TNIK: variants seen among roughly 807,000 people sequenced by gnomAD.
The protein encoded by TNIK is TRAF2 and NCK-interacting protein kinase.
Under a neutral mutation model 191.3 loss-of-function variants are expected in TNIK, and 49 were observed. The ratio of observed to expected loss-of-function variants is 0.26; its 90% CI spans 0.20 to 0.32. TNIK has a LOEUF of 0.32. Ranked by LOEUF, TNIK falls within the 10% of genes least tolerant of loss-of-function variation. TNIK has a pLI of 1.00. For missense variants in TNIK, 1,155 were observed against 1,702.3 expected (o/e 0.68, Z 5.66); for synonymous variants, 594 against 600.9 (o/e 0.99, Z 0.17).
rs1270486774 is a variant in TNIK, at chr3:171,059,295, A to T, written c.*4586T>A. ...TCCAAGATTTTGATCTAGATTTAAAATAACTCAAACATTACCCAGGGATTT... is the reference window on the plus strand; with the variant it reads ...TCCAAGATTTTGATCTAGATTTAAATTAACTCAAACATTACCCAGGGATTT... On this transcript the variant is annotated 3_prime_UTR_variant, in exon 33 of 33. Transcript: ENST00000436636. Among the ~76,000 whole-genome samples the T allele has an allele frequency of 2.0e-5, 3 of 152,204 alleles. No individual in the cohort carries two copies. Among genetic ancestry groups the T allele is most frequent in the Non-Finnish European group, 4.4e-5 (3 of 68,028 alleles).
chr3:171,269,087 C>T (rs931032875), intron 2 of TNIK, among the ~76,000 whole-genome samples: 1 of 152,056 alleles, frequency 6.6e-6, no homozygotes, highest in Non-Finnish European at 1.5e-5. Flanking sequence ...TTATTCAAAG[C>T]TCATTTGAAA....
chr3:171,444,532 G>A (rs1267340855), intron 1 of TNIK, among the ~76,000 whole-genome samples: 2 of 148,420 alleles, frequency 1.3e-5, no homozygotes, highest in African/African-American at 4.9e-5. Context: ...GCATCTTGTT[G>A]ATCAAGGGAG....
intron 2 of TNIK, among the ~76,000 whole-genome samples, chr3:171,277,386 A>G (rs1475056991): frequency 6.6e-6 from 1 of 152,208 alleles, no homozygotes; most frequent in African/African-American, 2.4e-5. Context: ...TGAGATTTGA[A>G]GATAACATTC....
In TNIK at chr3:171,159,010, CAG is replaced by C. The variant is rs574278168; in HGVS notation, c.1017-1348_1017-1347del. Among the ~76,000 whole-genome samples, 1 of 152,200 alleles carries C rather than the reference CAG, an allele frequency of 6.6e-6. No individual in the cohort carries two copies. The highest frequency in any genetic ancestry group is 2.1e-4 in the South Asian group (1 of 4,804). ...GAGGGAGAAGGGTATGAGAGGAGGTCAGAGAGATAGGTGCGGGGCCGCGACAG... is the reference window on the plus strand; with the variant it reads ...GAGGGAGAAGGGTATGAGAGGAGGTCAGAGATAGGTGCGGGGCCGCGACAG... On this transcript the variant is annotated intron_variant, in intron 11 of 32. Coordinates refer to ENST00000436636, the MANE Select transcript of TNIK (RefSeq NM_015028.4). This position sits in a 1 kb window ranked among gnomAD's most constrained non-coding sequence, Gnocchi z 4.1.
chr3:171,293,162 A>G (rs958551711), intron 2 of TNIK, among the ~76,000 whole-genome samples: 2 of 152,200 alleles, frequency 1.3e-5, no homozygotes, highest in African/African-American at 4.8e-5. Flanking sequence ...ATTCCAACAC[A>G]CTAGAGGAGG....
In TNIK at chr3:171,348,265, T is replaced by C. The variant is rs190867616; in HGVS notation, c.123+21355A>G. Among the ~76,000 whole-genome samples the C allele has an allele frequency of 1.1e-3, 173 of 151,668 alleles. 2 individuals are homozygous for C. The highest frequency in any genetic ancestry group is 3.7e-3 in the South Asian group (18 of 4,818). ...CAGCAGCAGGAAACCATAGATTTTG[T>C]TTAAGTCAACCTTTCTATAGTAATT... On this transcript the variant is annotated intron_variant, in intron 2 of 32. Coordinates refer to ENST00000436636, the MANE Select transcript of TNIK (RefSeq NM_015028.4).
chr3:171,140,176 G>A (rs542788443), intron 13 of TNIK, among the ~76,000 whole-genome samples: 4 of 152,338 alleles, frequency 2.6e-5, no homozygotes, highest in African/African-American at 4.8e-5. Context: ...CGGAAGATCC[G>A]GGTATGTCAG....
intron 2 of TNIK, among the ~76,000 whole-genome samples, chr3:171,307,521 T>C (rs943610108): frequency 2.6e-5 from 4 of 152,216 alleles, no homozygotes; most frequent in Non-Finnish European, 4.4e-5. Context: ...TTAGAAACTA[T>C]TGAATTTCGT....
chr3:171,093,822 T>C lies in TNIK; in HGVS notation c.2721+17A>G. 1.9e-6 allele frequency: 3 copies of C among 1,612,552 alleles called. No homozygotes were observed. The East Asian group carries it at 6.7e-5, about 36-fold the overall frequency. ...AAGAAATGGCATTTCCTCTACACAG[T>C]TTTTATACCAACTTACCTCTCTAAT... On this transcript the variant is annotated intron_variant, in intron 23 of 32. Coordinates refer to ENST00000436636, the MANE Select transcript of TNIK (RefSeq NM_015028.4).
At chr3:171,070,614 G>A (rs1719065124) in intron 29 of TNIK, among the ~76,000 whole-genome samples, 1 of 152,094 alleles carries the variant, frequency 6.6e-6, no homozygotes. Context: ...GGGTCAACAG[G>A]ACTAGCATAT....
At chr3:171,238,905 C>T (rs892153425) in intron 2 of TNIK, among the ~76,000 whole-genome samples, 10 of 152,190 alleles carry the variant, frequency 6.6e-5, no homozygotes, top group Admixed American at 5.9e-4. Flanking sequence ...TTTAAGAACA[C>T]AGGCAATACT....
In TNIK at chr3:171,194,630, C is replaced by T. The variant is rs758225138; in HGVS notation, c.312G>A (p.Val104=). The change falls in exon 5 of 33, where the codon GTG becomes GTA. Residue 104 remains valine, a synonymous_variant. Coordinates refer to ENST00000436636, the MANE Select transcript of TNIK (RefSeq NM_015028.4). Reference sequence around the variant, plus strand: ...CAGAGCCAGCACCACAAAACTCCATCACCAACTGGCAAAGGAAGCAAACAA... The same window carrying T: ...CAGAGCCAGCACCACAAAACTCCATTACCAACTGGCAAAGGAAGCAAACAA... ...PPGMDDQLWL[V]MEFCGAGSVT... The T allele has an allele frequency of 2.5e-6, 4 of 1,613,496 alleles. No homozygotes were observed. The highest frequency in any genetic ancestry group is 3.4e-6 in the Non-Finnish European group (4 of 1,179,678).
chr3:171,268,691 T>C (rs1343360453), intron 2 of TNIK, among the ~76,000 whole-genome samples: 6 of 151,950 alleles, frequency 3.9e-5, no homozygotes, highest in Admixed American at 3.9e-4. Flanking sequence ...AGTTTTCTTT[T>C]GGGAGAAAGA....
At chr3:171,242,243 C>T (rs533994830) in intron 2 of TNIK, among the ~76,000 whole-genome samples, 4 of 151,792 alleles carry the variant, frequency 2.6e-5, no homozygotes, top group South Asian at 2.1e-4. Flanking sequence ...TATGGAAAGA[C>T]GGAAAATTTG....
intron 2 of TNIK, among the ~76,000 whole-genome samples, chr3:171,254,433 C>A (rs1746603546): frequency 6.6e-6 from 1 of 152,154 alleles, no homozygotes; most frequent in Non-Finnish European, 1.5e-5. Context: ...AATATTTGCT[C>A]ACCCTTCCCC....
intron 23 of TNIK, among the ~76,000 whole-genome samples, chr3:171,088,362 G>A (rs1482624222): frequency 2.6e-5 from 4 of 151,850 alleles, no homozygotes; most frequent in Admixed American, 6.6e-5. Context: ...AGTCTCCTGA[G>A]TAGCTGGGAT....
intron 3 of TNIK, among the ~76,000 whole-genome samples, chr3:171,222,275 GCCATTTACTAT>G (rs1560283105): frequency 6.6e-6 from 1 of 152,038 alleles, no homozygotes; most frequent in East Asian, 1.9e-4. Context: ...TTCCAACCCT[GCCATTTACTAT>G]CCATGAGGCT....
intron 29 of TNIK, among the ~76,000 whole-genome samples, chr3:171,070,706 A>G (rs865970207): frequency 4.6e-5 from 7 of 152,280 alleles, no homozygotes; most frequent in Middle Eastern, 6.8e-3. Flanking sequence ...AAAAAATGAA[A>G]AGGCAATCAA....
chr3:171,073,665 G>GA (rs1303113486), intron 28 of TNIK, among the ~76,000 whole-genome samples: 1 of 151,874 alleles, frequency 6.6e-6, no homozygotes, highest in Non-Finnish European at 1.5e-5. Context: ...AATTCAACAA[G>GA]AAAAAATCCT....
Sources: gnomAD v4.1 joint callset for allele counts (sites outside exome capture counted in the v4.1 genomes callset) on GRCh38, gnomAD v4.1.1 for gene constraint, Gnocchi (gnomAD v3.1) non-coding constraint, MANE v1.5 for transcripts, NCBI Gene and HGNC (gene_info 2026-07-23, HGNC 2026-07-21) for gene names.